Variants in RGL1 observed in about 807,000 individuals in gnomAD.
The protein encoded by RGL1 is ral guanine nucleotide dissociation stimulator like 1, also known as ral guanine nucleotide dissociation stimulator-like 1.
RGL1 carries 24 observed loss-of-function variants against 95.2 expected under a neutral mutation model. The observed-to-expected ratio is 0.25, with a 90% CI of 0.18 to 0.35. The LOEUF is 0.35. RGL1 is among the 10% of genes least tolerant of loss of function. RGL1 has a pLI of 1.00. For synonymous variants in RGL1, 329 were observed against 344.9 expected (o/e 0.95, Z 0.51); for missense variants, 715 against 936.3 (o/e 0.76, Z 3.08).
chr1:183,701,793 C>T (rs1037087076), intron 1 of RGL1, among the ~76,000 whole-genome samples: 5 of 151,932 alleles, frequency 3.3e-5, no homozygotes, highest in Non-Finnish European at 5.9e-5. Flanking sequence ...AAAAATTAGC[C>T]GGGCATAGTG....
At chr1:183,655,915 G>A (rs192072101) in intron 1 of RGL1, among the ~76,000 whole-genome samples, 1 of 152,232 alleles carries the variant, frequency 6.6e-6, no homozygotes, top group Admixed American at 6.5e-5. Flanking sequence ...ACTCTCTGTG[G>A]GAAAGGACCA....
chr1:183,771,082 G>T (rs1267325551), intron 2 of RGL1, among the ~76,000 whole-genome samples: 1 of 152,110 alleles, frequency 6.6e-6, no homozygotes, highest in African/African-American at 2.4e-5. Flanking sequence ...ATTTGAATGG[G>T]AAAAGGCAAA....
intron 2 of RGL1, among the ~76,000 whole-genome samples, chr1:183,778,352 C>T (rs763427944): frequency 7.2e-5 from 11 of 151,982 alleles, no homozygotes; most frequent in East Asian, 1.9e-4. Context: ...AAAAATCTAG[C>T]GGGGGAGAAG....
At chr1:183,802,967 G>T (rs12354342), upstream of RGL1, among the ~76,000 whole-genome samples, 277 of 152,286 alleles carry the variant, frequency 1.8e-3, 7 homozygotes, top group East Asian at 0.042. Flanking sequence ...CAAAGGTACA[G>T]GTAATAAGGT....
intron 15 of RGL1, among the ~76,000 whole-genome samples, chr1:183,913,182 C>CTTTTTTTTTTTTTTTTTTTT (rs537751695): frequency 1.5e-5 from 1 of 68,246 alleles, no homozygotes; most frequent in Non-Finnish European, 2.6e-5. Context: ...GACCAGTCTT[C>CTTTTTTTTTTTTTTTTTTTT]TTTTTTTTTT....
Position 183,928,064 on chromosome 1 carries a change from G to A in RGL1, c.*1772G>A, listed in dbSNP as rs1321572601. The stretch of plus-strand genomic sequence containing the variant: ...TTTCTTCTGTTTTCAATCCCTGTTC[G>A]ATTTGTGCTTCTGTGCTTGTAGGAG... On this transcript the variant is annotated 3_prime_UTR_variant, in exon 18 of 18. Coordinates refer to ENST00000360851, the MANE Select transcript of RGL1 (RefSeq NM_001297671.3). The A allele has an allele frequency of 6.6e-6, 1 of 152,036 alleles. No homozygotes were observed. Among genetic ancestry groups the A allele is most frequent in the Admixed American group, 6.6e-5 (1 of 15,220 alleles). The allele number at this position is 152,036 out of a possible 1,614,324, so 9.4% of individuals were successfully genotyped here.
chr1:183,908,828 C>T (rs913978863), intron 14 of RGL1, among the ~76,000 whole-genome samples: 1 of 152,168 alleles, frequency 6.6e-6, no homozygotes, highest in Non-Finnish European at 1.5e-5. Flanking sequence ...CCTAATCCTG[C>T]GTCCTGCTAC....
rs548481438 is a variant in RGL1, at chr1:183,674,365, G to A, written c.-33+37864G>A. The stretch of plus-strand genomic sequence containing the variant: ...GTCAGGAAGAAGGATACCCTTTACA[G>A]TTGAGGATACACTTTTGTTTTTTTT... On this transcript the variant is annotated intron_variant, in intron 1 of 18. Transcript: ENST00000304685. 7.3e-4 allele frequency among the ~76,000 whole-genome samples: 111 copies of A among 152,282 alleles called. 1 individual carries two copies. Among genetic ancestry groups the A allele is most frequent in the Middle Eastern group, 3.4e-3 (1 of 294 alleles).
rs1669355920 is a variant in RGL1, at chr1:183,922,346, C to T, written c.2119+10C>T. 2 of 1,601,704 alleles carry T rather than the reference C, an allele frequency of 1.2e-6. No homozygotes were observed. The highest frequency in any genetic ancestry group is 1.1e-5 in the South Asian group (1 of 90,246). ...ATCTCGGAGGACAAAGGTGGGCATC[C>T]TTCCGAGACAGGCATGTTCCTTCCC... On this transcript the variant is annotated intron_variant, in intron 17 of 17. Coordinates refer to ENST00000360851, the MANE Select transcript of RGL1 (RefSeq NM_001297671.3).
chr1:183,896,518 A>G (rs778736314), intron 9 of RGL1, among the ~76,000 whole-genome samples: 4 of 152,204 alleles, frequency 2.6e-5, no homozygotes, highest in Non-Finnish European at 5.9e-5. Flanking sequence ...GAGATGGAAC[A>G]TGTTGATGCT....
intron 2 of RGL1, among the ~76,000 whole-genome samples, chr1:183,830,145 G>A (rs1475511055): frequency 2.6e-5 from 4 of 152,206 alleles, no homozygotes; most frequent in Admixed American, 2.6e-4. Context: ...CTCCACTTAT[G>A]AGGATTTAAT....
intron 11 of RGL1, among the ~76,000 whole-genome samples, chr1:183,900,876 A>C (rs1667975387): frequency 6.6e-6 from 1 of 151,784 alleles, no homozygotes; most frequent in African/African-American, 2.4e-5. Flanking sequence ...TTTGAACAAG[A>C]CTTTAAGGCC....
chr1:183,775,860 G>A (rs1454825057), intron 2 of RGL1, among the ~76,000 whole-genome samples: 8 of 152,068 alleles, frequency 5.3e-5, no homozygotes, highest in African/African-American at 1.9e-4. Flanking sequence ...GAAGTAATAT[G>A]GAAAATTGTT....
chr1:183,750,267 CT>C (rs1303951003), intron 2 of RGL1, among the ~76,000 whole-genome samples: 2 of 152,270 alleles, frequency 1.3e-5, no homozygotes, highest in East Asian at 3.9e-4. Context: ...CCTTTTCATT[CT>C]TTTTTCTCTA....
intron 1 of RGL1, among the ~76,000 whole-genome samples, chr1:183,663,656 G>A (rs1207318245): frequency 1.3e-5 from 2 of 151,890 alleles, no homozygotes; most frequent in African/African-American, 4.8e-5. Context: ...TCAGTGTGGC[G>A]ATTCCTCAGG....
intron 1 of RGL1, among the ~76,000 whole-genome samples, chr1:183,681,096 A>C (rs992497477): frequency 6.6e-6 from 1 of 152,138 alleles, no homozygotes; most frequent in Non-Finnish European, 1.5e-5. Context: ...GGGTTTTCTA[A>C]ATATATAATC....
chr1:183,738,094 G>A (rs1349953382), intron 1 of RGL1, among the ~76,000 whole-genome samples: 3 of 152,180 alleles, frequency 2.0e-5, no homozygotes, highest in Admixed American at 2.0e-4. Flanking sequence ...TTTGCCTGGA[G>A]GTTGTCTTGT....
chr1:183,827,842 G>A (rs974973350), intron 2 of RGL1, among the ~76,000 whole-genome samples: 7 of 152,200 alleles, frequency 4.6e-5, no homozygotes, highest in Admixed American at 3.3e-4. Flanking sequence ...TTAATGTGAA[G>A]GGAAAGTGTC....
chr1:183,874,382 T>C (rs1666362653), intron 4 of RGL1, among the ~76,000 whole-genome samples: 1 of 152,188 alleles, frequency 6.6e-6, no homozygotes, highest in African/African-American at 2.4e-5. Context: ...GGTGTGTAAA[T>C]AACCTTGACT....
Sources: allele counts gnomAD v4.1 joint callset (sites outside exome capture counted in the v4.1 genomes callset), GRCh38; gene constraint gnomAD v4.1.1; transcripts MANE v1.5; gene names NCBI Gene and HGNC (gene_info 2026-07-23, HGNC 2026-07-21).